SORCS2: variants seen among roughly 807,000 people sequenced by gnomAD.
The protein encoded by SORCS2 is VPS10 domain-containing receptor SorCS2.
In SORCS2, 100 loss-of-function variants were observed where a neutral mutation model predicts 141.6. The ratio of observed to expected loss-of-function variants is 0.71; its 90% CI spans 0.60 to 0.83. SORCS2 has a LOEUF of 0.83. Among genes scored for constraint, SORCS2 ranks in the 40% least tolerant of loss-of-function variants. SORCS2 has a pLI of 0.00. For synonymous variants in SORCS2, 789 were observed against 676.9 expected (o/e 1.17, Z -2.57); for missense variants, 1,646 against 1,560.2 (o/e 1.05, Z -0.93).
At chr4:7,391,022 T>A (rs1229992092) in intron 1 of SORCS2, among the ~76,000 whole-genome samples, 2 of 152,196 alleles carry the variant, frequency 1.3e-5, no homozygotes, top group African/African-American at 2.4e-5. Flanking sequence ...GGTCTAAGTT[T>A]GTGTGGATGG....
intron 1 of SORCS2, among the ~76,000 whole-genome samples, chr4:7,295,961 T>C (rs61035716): frequency 0.079 from 12,063 of 152,256 alleles, 736 homozygotes; most frequent in Admixed American, 0.21. Context: ...TTCCCTGAGG[T>C]TGACATGTCA....
chr4:7,368,838 G>A (rs1577455287), intron 1 of SORCS2, among the ~76,000 whole-genome samples: 1 of 152,184 alleles, frequency 6.6e-6, no homozygotes, highest in Non-Finnish European at 1.5e-5. Flanking sequence ...GGAGGTGATT[G>A]AATTATGGGG....
At chr4:7,473,388 G>A (rs1577622325) in intron 2 of SORCS2, among the ~76,000 whole-genome samples, 2 of 152,132 alleles carry the variant, frequency 1.3e-5, no homozygotes, top group East Asian at 3.9e-4. Flanking sequence ...TTGGGTATAC[G>A]GATGCCCATC....
intron 1 of SORCS2, among the ~76,000 whole-genome samples, chr4:7,245,666 G>A (rs1425095772): frequency 1.3e-5 from 2 of 152,214 alleles, no homozygotes; most frequent in East Asian, 3.8e-4. Flanking sequence ...TGGTGGTGGT[G>A]TTATGGTCGC....
intron 8 of SORCS2, among the ~76,000 whole-genome samples, chr4:7,673,607 A>G (rs1256926620): frequency 2.0e-5 from 3 of 152,226 alleles, no homozygotes; most frequent in Non-Finnish European, 4.4e-5. Flanking sequence ...AAACATTTGA[A>G]AACGCTGGTG....
At chr4:7,531,314 A>C (rs7694823) in intron 2 of SORCS2, among the ~76,000 whole-genome samples, 133,544 of 152,190 alleles carry the variant, frequency 0.88, 58,753 homozygotes, top group East Asian at 0.99. Flanking sequence ...CCTAAGCTCC[A>C]CACCTGTGTG....
At chr4:7,675,975 G>A in intron 8 of SORCS2, 75 bp from the exon 9 acceptor site, 2 of 1,507,992 alleles carry the variant, frequency 1.3e-6, no homozygotes, top group South Asian at 1.3e-5. Context: ...CTCACGGCCT[G>A]TGCAGCCTGC....
chr4:7,243,473 G>A (rs1014618725), intron 1 of SORCS2, among the ~76,000 whole-genome samples: 3 of 152,266 alleles, frequency 2.0e-5, no homozygotes, highest in Non-Finnish European at 4.4e-5. Flanking sequence ...CTGAGGGAAA[G>A]GTGCGGGGAG....
chr4:7,446,263 G>A (rs1012704701), intron 2 of SORCS2, among the ~76,000 whole-genome samples: 1 of 152,160 alleles, frequency 6.6e-6, no homozygotes, highest in African/African-American at 2.4e-5. Flanking sequence ...ACAGTGAGTT[G>A]GAGGGACACA....
chr4:7,430,908 A>G (rs1726802740), intron 2 of SORCS2: 2 of 152,012 alleles, frequency 1.3e-5, no homozygotes, highest in East Asian at 3.9e-4. Context: ...TGCCGTCAGC[A>G]CCAGTGGGCC....
chr4:7,671,774 T>G (rs572887713), intron 8 of SORCS2, among the ~76,000 whole-genome samples: 4 of 152,080 alleles, frequency 2.6e-5, no homozygotes, highest in Admixed American at 6.5e-5. Context: ...AGAAGAGAGA[T>G]AAAGGCAGAG....
chr4:7,531,418 G>A, intron 2 of SORCS2, 112 bp from the exon 3 acceptor site: 3 of 936,212 alleles, frequency 3.2e-6, no homozygotes, highest in Non-Finnish European at 1.7e-6. Flanking sequence ...TACTCAGGGT[G>A]TCTGGGGCAC....
intron 3 of SORCS2, among the ~76,000 whole-genome samples, chr4:7,609,457 C>G (rs1184089601): frequency 6.6e-6 from 1 of 152,192 alleles, no homozygotes; most frequent in East Asian, 1.9e-4. Context: ...ATCCTCAGCC[C>G]TCGTCAACTG....
At chr4:7,620,594 G>A (rs527493354) in intron 3 of SORCS2, among the ~76,000 whole-genome samples, 4 of 152,364 alleles carry the variant, frequency 2.6e-5, no homozygotes, top group East Asian at 1.9e-4. Flanking sequence ...CAGGATGTGC[G>A]GCAGCCACAA....
intron 1 of SORCS2, among the ~76,000 whole-genome samples, chr4:7,394,013 C>T (rs1415195814): frequency 1.3e-5 from 2 of 152,124 alleles, no homozygotes; most frequent in Non-Finnish European, 2.9e-5. Context: ...GCTTCTCCAG[C>T]ACTGGCCCTT....
intron 1 of SORCS2, among the ~76,000 whole-genome samples, chr4:7,370,449 C>T (rs1722180523): frequency 6.6e-6 from 1 of 152,204 alleles, no homozygotes; most frequent in African/African-American, 2.4e-5. Context: ...GGATCGTCAT[C>T]ATTATAGTTC....
intron 2 of SORCS2, among the ~76,000 whole-genome samples, chr4:7,457,897 G>A (rs1361428087): frequency 6.6e-6 from 1 of 152,236 alleles, no homozygotes; most frequent in Non-Finnish European, 1.5e-5. Context: ...GAGGTCAGGA[G>A]GGCTGCAGGG....
rs1000958495 is a variant in SORCS2 at position 7,192,897 on chromosome 4, G to C, written c.251G>C (p.Arg84Pro). 5.1e-5 allele frequency: 59 copies of C among 1,151,936 alleles called. No individual in the cohort carries two copies. Among genetic ancestry groups the C allele is most frequent in the South Asian group, 1.2e-4 (3 of 24,022 alleles). The allele number at this position is 1,151,936 out of a possible 1,614,324, so 71.4% of individuals were successfully genotyped here. Reference protein sequence around the residue: ...GRAEPGGGEDRQARGTEPGAP... With the variant: ...GRAEPGGGEDPQARGTEPGAP... ...GCGGAGCCCGGTGGCGGCGAGGACC[G>C]GCAGGCGCGCGGCACGGAGCCAGGC... Residue 84 changes from arginine (R) to proline (P), a missense_variant, in exon 1 of 27, where the codon CGG becomes CCG. Arg to Pro is a moderately radical substitution (Grantham distance 103). Transcript: ENST00000507866. This position sits in a 1 kb window ranked among gnomAD's most constrained non-coding sequence, Gnocchi z 4.0.
intron 14 of SORCS2, among the ~76,000 whole-genome samples, chr4:7,711,089 G>A (rs1214486385): frequency 6.6e-6 from 1 of 152,192 alleles, no homozygotes; most frequent in African/African-American, 2.4e-5. Context: ...TGGGGGGAAG[G>A]TCCAGCTAAG....
Sources: allele counts gnomAD v4.1 joint callset (sites outside exome capture counted in the v4.1 genomes callset), GRCh38; gene constraint gnomAD v4.1.1; non-coding constraint Gnocchi (gnomAD v3.1); transcripts MANE v1.5; gene names NCBI Gene and HGNC (gene_info 2026-07-23, HGNC 2026-07-21).